The following ADAMTS12 variants were observed in gnomAD, a reference collection of about 807,000 sequenced individuals.
The protein encoded by ADAMTS12 is A disintegrin and metalloproteinase with thrombospondin motifs 12.
In ADAMTS12, 118 loss-of-function variants were observed where a neutral mutation model predicts 167.8. The ratio of observed to expected loss-of-function variants is 0.70; its 90% CI spans 0.61 to 0.82. The LOEUF is 0.82. Among genes scored for constraint, ADAMTS12 ranks in the 40% least tolerant of loss-of-function variants. The probability of loss-of-function intolerance (pLI) is 0.00; values close to 1 mark genes in which losing one functional copy is unlikely to be tolerated. For missense variants in ADAMTS12, 1,916 were observed against 1,998.8 expected (o/e 0.96, Z 0.79); for synonymous variants, 704 against 716.9 (o/e 0.98, Z 0.29).
chr5:33,782,610 G>A (rs1489468210), intron 2 of ADAMTS12, among the ~76,000 whole-genome samples: 1 of 151,938 alleles, frequency 6.6e-6, no homozygotes, highest in African/African-American at 2.4e-5. Context: ...GATAAATCAT[G>A]GAGACCATAA....
chr5:33,875,524 A>G (rs1750197894), intron 2 of ADAMTS12, among the ~76,000 whole-genome samples: 2 of 152,204 alleles, frequency 1.3e-5, no homozygotes, highest in Admixed American at 1.3e-4. Flanking sequence ...AAATTAATCA[A>G]TATAGTCCAT....
rs112196098 is a variant in ADAMTS12 at position 33,549,245 on chromosome 5, C to G, written c.4264G>C (p.Glu1422Gln). 0.032 allele frequency: 50,851 copies of G among 1,614,064 alleles called. 1,029 individuals carry two copies. Among genetic ancestry groups the G allele is most frequent in the Non-Finnish European group, 0.037 (44,125 of 1,179,942 alleles). Residue 1422 changes from glutamate (E) to glutamine (Q), a missense_variant, in exon 21 of 24, where the codon GAG becomes CAG. Coordinates refer to ENST00000504830, the MANE Select transcript of ADAMTS12 (RefSeq NM_030955.4). ...PPPLSMSCNP[E>Q]PCEAWQVEPW... ...TCCACCTGCCACGCCTCACAGGGCT[C>G]CGGGTTACAGCTCATGCTCAATGGG...
chr5:33,527,908 A>AGAT (rs1460896118), intron 23 of ADAMTS12, among the ~76,000 whole-genome samples: 1 of 152,202 alleles, frequency 6.6e-6, no homozygotes. Flanking sequence ...GCTGACCTAT[A>AGAT]GATGCTCAGC....
chr5:33,683,143 A>C, intron 4 of ADAMTS12, 42 bp from the exon 5 acceptor site: 1 of 1,415,938 alleles, frequency 7.1e-7, no homozygotes, highest in Non-Finnish European at 9.9e-7. Context: ...ACACGAAGAG[A>C]TAATAAATAA....
rs957607347 is a variant in ADAMTS12 at position 33,624,218 on chromosome 5, ATTTG to A, written c.2143+9_2143+12del. ...TGGTCCCCTGCCACTTCGATTATTT[ATTTG>A]TTTATTACCAGATCCTTCCTTCTGC... is the stretch of plus-strand genomic sequence containing the variant. On this transcript the variant is annotated intron_variant, in intron 14 of 23. Transcript: ENST00000504830. 4.3e-6 allele frequency: 7 copies of A among 1,613,584 alleles called. No individual in the cohort carries two copies. The highest frequency in any genetic ancestry group is 5.1e-6 in the Non-Finnish European group (6 of 1,179,842).
chr5:33,537,693 G>A (rs905697785), intron 22 of ADAMTS12, among the ~76,000 whole-genome samples: 1 of 152,178 alleles, frequency 6.6e-6, no homozygotes, highest in African/African-American at 2.4e-5. Context: ...AAGTGAATTC[G>A]GTGTTGAGTC....
chr5:33,540,282 A>G (rs999908249), intron 22 of ADAMTS12, among the ~76,000 whole-genome samples: 1 of 152,240 alleles, frequency 6.6e-6, no homozygotes, highest in South Asian at 2.1e-4. Flanking sequence ...CTGAGGCTTG[A>G]GTAGGTAAAC....
chr5:33,707,609 A>C (rs1743248504), intron 3 of ADAMTS12, among the ~76,000 whole-genome samples: 1 of 152,216 alleles, frequency 6.6e-6, no homozygotes, highest in Non-Finnish European at 1.5e-5. Flanking sequence ...ACAGATCTGT[A>C]GACCAATGGA....
At chr5:33,722,251 A>C (rs1253002857) in intron 3 of ADAMTS12, among the ~76,000 whole-genome samples, 1 of 152,232 alleles carries the variant, frequency 6.6e-6, no homozygotes, top group Non-Finnish European at 1.5e-5. Context: ...ATAAAGCAAC[A>C]CAGTGATATA....
intron 2 of ADAMTS12, among the ~76,000 whole-genome samples, chr5:33,796,294 C>T (rs1479365356): frequency 2.6e-5 from 4 of 152,186 alleles, no homozygotes; most frequent in African/African-American, 4.8e-5. Flanking sequence ...CACTACTGTG[C>T]AAACTTTAGA....
chr5:33,857,197 T>C (rs7704760), intron 2 of ADAMTS12, among the ~76,000 whole-genome samples: 52,863 of 152,046 alleles, frequency 0.35, 9,505 homozygotes, highest in African/African-American at 0.44. Flanking sequence ...CACTTATATG[T>C]GGAACCAAAA....
intron 2 of ADAMTS12, among the ~76,000 whole-genome samples, chr5:33,761,023 C>T: frequency 6.6e-6 from 1 of 152,188 alleles, no homozygotes; most frequent in Non-Finnish European, 1.5e-5. Flanking sequence ...GCTAGCACAT[C>T]GGGAGCCCAG....
At chr5:33,849,591 C>CAATAT (rs1749130335) in intron 2 of ADAMTS12, among the ~76,000 whole-genome samples, 6 of 68,992 alleles carry the variant, frequency 8.7e-5, no homozygotes, top group African/African-American at 2.9e-4. Context: ...TAGCAATACA[C>CAATAT]ATATGTATTG....
At chr5:33,780,513 C>T (rs190210539) in intron 2 of ADAMTS12, among the ~76,000 whole-genome samples, 15 of 152,154 alleles carry the variant, frequency 9.9e-5, no homozygotes, top group South Asian at 2.1e-4. Context: ...CTCCTTAAGG[C>T]GAGGTGGTTA....
Position 33,767,532 on chromosome 5 carries a change from A to G in ADAMTS12, c.490-15984T>C, listed in dbSNP as rs564236439. 2.2e-4 allele frequency among the ~76,000 whole-genome samples: 33 copies of G among 152,292 alleles called. 1 individual carries two copies. The South Asian group carries it at 6.6e-3, about 31-fold the overall frequency. On this transcript the variant is annotated intron_variant, in intron 2 of 23. Transcript: ENST00000504830. ...GTTTTATTATACTTTTCTAAATGCAATGGTTTCATTGGTAACATGTTTTAA... is the reference window on the plus strand; with the variant it reads ...GTTTTATTATACTTTTCTAAATGCAGTGGTTTCATTGGTAACATGTTTTAA...
At chr5:33,532,036 A>G (rs1169614617) in intron 23 of ADAMTS12, among the ~76,000 whole-genome samples, 1 of 152,206 alleles carries the variant, frequency 6.6e-6, no homozygotes, top group Non-Finnish European at 1.5e-5. Context: ...TCATTAGTCA[A>G]TTGGATTCCA....
chr5:33,531,946 G>T (rs1744120912), intron 23 of ADAMTS12, among the ~76,000 whole-genome samples: 1 of 152,164 alleles, frequency 6.6e-6, no homozygotes, highest in Non-Finnish European at 1.5e-5. Flanking sequence ...TTTAGATGAT[G>T]ACCGTGAGCC....
intron 13 of ADAMTS12, among the ~76,000 whole-genome samples, chr5:33,625,117 A>T (rs1739521386): frequency 1.3e-5 from 2 of 152,138 alleles, no homozygotes; most frequent in Non-Finnish European, 2.9e-5. Context: ...AGTAGCTGGG[A>T]CTACAGGTAC....
chr5:33,817,434 CA>C (rs1167138742), intron 2 of ADAMTS12, among the ~76,000 whole-genome samples: 1 of 152,182 alleles, frequency 6.6e-6, no homozygotes, highest in East Asian at 1.9e-4. Flanking sequence ...TCAAGGGTCT[CA>C]AGTTCCTGCC....
Sources: gnomAD v4.1 joint callset for allele counts (sites outside exome capture counted in the v4.1 genomes callset) on GRCh38, gnomAD v4.1.1 for gene constraint, MANE v1.5 for transcripts, NCBI Gene and HGNC (gene_info 2026-07-23, HGNC 2026-07-21) for gene names.